HTR1F: variants seen among roughly 807,000 people sequenced by gnomAD.
The protein encoded by HTR1F is 5-hydroxytryptamine receptor 1F, also known as 5-hydroxytryptamine (serotonin) receptor 1F, G protein-coupled.
A neutral mutation model predicts 24.0 loss-of-function variants in HTR1F; 17 were observed. That is an observed-to-expected ratio of 0.71 (90% confidence interval 0.48 to 1.06). The LOEUF (loss-of-function observed/expected upper bound fraction) is 1.06, where lower values mean the gene tolerates loss of function less well. HTR1F is among the 50% of genes least tolerant of loss of function. The pLI is 0.00. For missense variants in HTR1F, 391 were observed against 427.8 expected (o/e 0.91, Z 0.76); for synonymous variants, 186 against 156.8 (o/e 1.19, Z -1.39).
chr3:87,797,450 A>G (rs978887375), intron 1 of HTR1F, among the ~76,000 whole-genome samples: 3 of 152,256 alleles, frequency 2.0e-5, no homozygotes, highest in Admixed American at 6.5e-5. Context: ...GCTATCATTT[A>G]TTACAGAACA....
chr3:87,905,528 A>C (rs964579067), intron 2 of HTR1F, among the ~76,000 whole-genome samples: 2 of 152,108 alleles, frequency 1.3e-5, no homozygotes, highest in African/African-American at 4.8e-5. Context: ...AGCCTGCACA[A>C]AGACATAATT....
At chr3:87,955,907 T>C (rs1704933456) in intron 2 of HTR1F, among the ~76,000 whole-genome samples, 1 of 151,470 alleles carries the variant, frequency 6.6e-6, no homozygotes, top group South Asian at 2.1e-4. Flanking sequence ...TTAGTCTTAT[T>C]GTTAACTTAT....
chr3:87,950,099 G>A (rs1315269216), intron 2 of HTR1F, among the ~76,000 whole-genome samples: 2 of 152,084 alleles, frequency 1.3e-5, no homozygotes, highest in African/African-American at 4.8e-5. Flanking sequence ...TTCTCTCCCA[G>A]GAACTAATTC....
At chr3:87,882,144 T>A (rs936984058) in intron 2 of HTR1F, among the ~76,000 whole-genome samples, 6 of 152,058 alleles carry the variant, frequency 3.9e-5, no homozygotes, top group Non-Finnish European at 8.8e-5. Context: ...GAAATGCAAA[T>A]CAAAACCACA....
At chr3:87,903,124 T>C (rs147632788) in intron 2 of HTR1F, among the ~76,000 whole-genome samples, 5,404 of 152,010 alleles carry the variant, frequency 0.036, 127 homozygotes, top group South Asian at 0.056. Flanking sequence ...AAAAACTAAC[T>C]CAAGATGGAT....
At chr3:87,883,311 C>T (rs1705853282) in intron 2 of HTR1F, among the ~76,000 whole-genome samples, 1 of 152,188 alleles carries the variant, frequency 6.6e-6, no homozygotes, top group South Asian at 2.1e-4. Flanking sequence ...AAAACCCCAT[C>T]TGTAAGTCAT....
chr3:87,991,110 C>G lies in HTR1F; in HGVS notation c.361C>G (p.Arg121Gly). The G allele has an allele frequency of 6.2e-7, 1 of 1,613,856 alleles. No individual in the cohort carries two copies. The highest frequency in any genetic ancestry group is 1.1e-5 in the South Asian group (1 of 91,078). Residue 121 changes from arginine (R) to glycine (G), a missense_variant, in exon 3 of 3, where the codon CGG becomes GGG. Coordinates refer to ENST00000319595, the MANE Select transcript of HTR1F (RefSeq NM_001322209.2). ...ILHLSAIALD[R>G]YRAITDAVEY... ...GCATCTCTCAGCTATAGCTTTGGAT[C>G]GGTATCGAGCAATCACAGATGCTGT...
chr3:87,810,076 T>C (rs910117639), intron 1 of HTR1F, among the ~76,000 whole-genome samples: 3 of 152,162 alleles, frequency 2.0e-5, no homozygotes, highest in African/African-American at 7.2e-5. Context: ...TCTTTTGTCA[T>C]TCCTTTCTCT....
intron 1 of HTR1F, among the ~76,000 whole-genome samples, chr3:87,816,704 C>T (rs1336774597): frequency 1.3e-5 from 2 of 152,046 alleles, no homozygotes; most frequent in African/African-American, 2.4e-5. Context: ...ATATCTCCCC[C>T]ACCTTCAGTC....
intron 2 of HTR1F, among the ~76,000 whole-genome samples, chr3:87,989,566 T>A (rs1275851170): frequency 6.6e-6 from 1 of 152,184 alleles, no homozygotes; most frequent in African/African-American, 2.4e-5. Flanking sequence ...TTTTTGCTAT[T>A]TCTCTTTATA....
rs1575954545 is a variant in HTR1F, at chr3:87,858,731, C to T, written c.-43+36607C>T. ...ATATAGCCTCCTTTTTGCCTAAAAGCAAGTGTGATACCTTTACTAAGAATG... is the reference window on the plus strand; with the variant it reads ...ATATAGCCTCCTTTTTGCCTAAAAGTAAGTGTGATACCTTTACTAAGAATG... On this transcript the variant is annotated intron_variant, in intron 2 of 2. Coordinates refer to ENST00000319595, the MANE Select transcript of HTR1F (RefSeq NM_001322209.2). 3.9e-5 allele frequency among the ~76,000 whole-genome samples: 6 copies of T among 151,942 alleles called. No homozygotes were observed. In the East Asian group the frequency reaches 9.6e-4, roughly 24 times the overall value.
intron 2 of HTR1F, among the ~76,000 whole-genome samples, chr3:87,839,627 T>C (rs1240495456): frequency 1.3e-5 from 2 of 152,150 alleles, no homozygotes; most frequent in African/African-American, 2.4e-5. Flanking sequence ...CACTTTTAAC[T>C]TTTATTTTAG....
At chr3:87,864,456 T>A (rs1705380276) in intron 2 of HTR1F, among the ~76,000 whole-genome samples, 1 of 152,194 alleles carries the variant, frequency 6.6e-6, no homozygotes, top group Non-Finnish European at 1.5e-5. Flanking sequence ...GGTTCTGTTA[T>A]TTCCAGGATC....
At chr3:87,802,692 A>G (rs1310515956) in intron 1 of HTR1F, among the ~76,000 whole-genome samples, 6 of 152,138 alleles carry the variant, frequency 3.9e-5, no homozygotes, top group African/African-American at 1.4e-4. Context: ...ATTCCTGACC[A>G]GTGTATTAAT....
intron 2 of HTR1F, among the ~76,000 whole-genome samples, chr3:87,880,465 T>C (rs1186248021): frequency 2.6e-5 from 4 of 152,130 alleles, no homozygotes; most frequent in South Asian, 4.1e-4. Flanking sequence ...TTAGGATACA[T>C]AGTGAGTATT....
chr3:87,902,607 C>T (rs2919272), intron 2 of HTR1F, among the ~76,000 whole-genome samples: 57,745 of 151,122 alleles, frequency 0.38, 15,478 homozygotes, highest in African/African-American at 0.77. Flanking sequence ...TTTATTTTAT[C>T]ATTATTATAC....
chr3:87,863,292 T>C lies in HTR1F; in HGVS notation c.-43+41168T>C, dbSNP rs188982294. On this transcript the variant is annotated intron_variant, in intron 2 of 2. Coordinates refer to ENST00000319595, the MANE Select transcript of HTR1F (RefSeq NM_001322209.2). Reference sequence around the variant, plus strand: ...CTGACAGTTAATCTTTTAATTTTAGTGTCTTGCAATCTGGATAGGCTGAGA... The same window carrying C: ...CTGACAGTTAATCTTTTAATTTTAGCGTCTTGCAATCTGGATAGGCTGAGA... Among the ~76,000 whole-genome samples the C allele has an allele frequency of 2.1e-4, 32 of 152,338 alleles. 2 individuals carry two copies. The highest frequency in any genetic ancestry group is 6.7e-4 in the African/African-American group (28 of 41,594).
chr3:87,869,948 A>G (rs1705519146), intron 2 of HTR1F, among the ~76,000 whole-genome samples: 1 of 152,138 alleles, frequency 6.6e-6, no homozygotes, highest in Non-Finnish European at 1.5e-5. Flanking sequence ...ATTTGATAAA[A>G]TAAGATACAA....
intron 2 of HTR1F, among the ~76,000 whole-genome samples, chr3:87,929,622 C>A (rs538628232): frequency 2.0e-5 from 3 of 152,078 alleles, no homozygotes; most frequent in East Asian, 3.9e-4. Context: ...ATGTGTAGAC[C>A]TATTTCTGGG....
Sources: allele counts gnomAD v4.1 joint callset (sites outside exome capture counted in the v4.1 genomes callset), GRCh38; gene constraint gnomAD v4.1.1; transcripts MANE v1.5; gene names NCBI Gene and HGNC (gene_info 2026-07-23, HGNC 2026-07-21).